FLT3: variants seen among roughly 807,000 people sequenced by gnomAD.
FLT3 encodes receptor-type tyrosine-protein kinase FLT3.
A neutral mutation model predicts 126.6 loss-of-function variants in FLT3; 46 were observed. The observed-to-expected ratio is 0.36, with a 90% CI of 0.29 to 0.46. The LOEUF is 0.46. Among genes scored for constraint, FLT3 ranks in the 20% least tolerant of loss-of-function variants. The pLI, the probability that FLT3 is intolerant of heterozygous loss-of-function variation, is 1.00. For missense variants in FLT3, 1,069 were observed against 1,190.3 expected (o/e 0.90, Z 1.50); for synonymous variants, 404 against 434.4 (o/e 0.93, Z 0.87).
At chr13:28,056,496 C>T (rs1225886790) in intron 4 of FLT3, among the ~76,000 whole-genome samples, 4 of 152,238 alleles carry the variant, frequency 2.6e-5, no homozygotes, top group African/African-American at 9.6e-5. Context: ...TGAATGCAGA[C>T]ACCTTTAGTC....
chr13:28,038,164 G>A (rs1462696136), intron 9 of FLT3, among the ~76,000 whole-genome samples: 1 of 152,160 alleles, frequency 6.6e-6, no homozygotes, highest in Non-Finnish European at 1.5e-5. Context: ...GCTCTCAGCA[G>A]GCTCTAGTGC....
Position 28,035,909 on chromosome 13 carries a change from A to G in FLT3, c.1418+26T>C, listed in dbSNP as rs751823253. 65 of 1,522,026 alleles carry G rather than the reference A, an allele frequency of 4.3e-5. No individual in the cohort carries two copies. In the Admixed American group the frequency reaches 9.5e-4, roughly 22 times the overall value. The allele number at this position is 1,522,026 out of a possible 1,614,324, so 94.3% of individuals were successfully genotyped here. On this transcript the variant is annotated intron_variant, in intron 11 of 23. Coordinates refer to ENST00000241453, the MANE Select transcript of FLT3 (RefSeq NM_004119.3). ...TCAGAGAGTTTTATGTTCTTCCATT[A>G]TAAGAGGCATCAATGTCCTTATTAC...
At chr13:28,035,306 G>C (rs1367987799) in intron 12 of FLT3, among the ~76,000 whole-genome samples, 189 bp downstream of exon 12, 1 of 152,172 alleles carries the variant, frequency 6.6e-6, no homozygotes, top group Non-Finnish European at 1.5e-5. Flanking sequence ...AGTCACAAGG[G>C]CACAGGGAGG....
Position 28,100,446 on chromosome 13 carries a change from G to C in FLT3, c.43+22C>G. 7.4e-6 allele frequency: 9 copies of C among 1,208,324 alleles called. No individual in the cohort carries two copies. The highest frequency in any genetic ancestry group is 9.3e-6 in the Non-Finnish European group (9 of 971,172). The allele number at this position is 1,208,324 out of a possible 1,614,324, so 74.9% of individuals were successfully genotyped here. A position where few individuals can be genotyped will look rare whatever the true frequency, so the allele number is the denominator to read the frequency against. On this transcript the variant is annotated intron_variant, in intron 1 of 23. Transcript: ENST00000241453. This position sits in a 1 kb window ranked among gnomAD's most constrained non-coding sequence, Gnocchi z 4.8. The stretch of plus-strand genomic sequence containing the variant: ...GGGCTGAGGGACCGCGAGGGGCTGC[G>C]AGCGAGCGAGCGGGGCCTTACCGAG...
chr13:28,060,953 G>A lies in FLT3; in HGVS notation c.368+914C>T, dbSNP rs73154842. ...AGACTTACAGGAAAATTGAGCAGAA[G>A]ACACAGAAAGATGCCATATATGCCC... On this transcript the variant is annotated intron_variant, in intron 3 of 23. Coordinates refer to ENST00000241453, the MANE Select transcript of FLT3 (RefSeq NM_004119.3). Among the ~76,000 whole-genome samples the A allele has an allele frequency of 7.4e-3, 1,122 of 152,166 alleles. 6 individuals are homozygous for A. Among genetic ancestry groups the A allele is most frequent in the Non-Finnish European group, 0.013 (857 of 68,002 alleles).
rs756945583 is a variant in FLT3, at chr13:28,014,596, C to G, written c.2754-39G>C. ...AGAACAAGGAACAAGATGAAGAAGT[C>G]TGAATGAAGCAAAATGGATCATTTT... On this transcript the variant is annotated intron_variant, in intron 22 of 23. Coordinates refer to ENST00000241453, the MANE Select transcript of FLT3 (RefSeq NM_004119.3). The G allele has an allele frequency of 2.2e-6, 3 of 1,374,362 alleles. No individual in the cohort carries two copies. The East Asian group carries it at 6.9e-5, about 31-fold the overall frequency. 85.1% of individuals were successfully genotyped at this position (1,374,362 alleles called of 1,614,324 possible).
intron 19 of FLT3, 47 bp downstream of exon 19, chr13:28,023,303 T>G (rs1872554052): frequency 6.4e-7 from 1 of 1,566,852 alleles, no homozygotes; most frequent in Non-Finnish European, 8.7e-7. Context: ...TAAGCACATC[T>G]TTTCAAATCT....
chr13:28,084,602 G>C (rs898704760), intron 1 of FLT3, among the ~76,000 whole-genome samples: 9 of 152,002 alleles, frequency 5.9e-5, no homozygotes, highest in Admixed American at 1.3e-4. Flanking sequence ...GTAGAGATGG[G>C]GTTTTGCCAT....
chr13:28,012,604 C>T (rs893231979), intron 23 of FLT3, among the ~76,000 whole-genome samples: 10 of 152,126 alleles, frequency 6.6e-5, no homozygotes, highest in African/African-American at 1.9e-4. Flanking sequence ...AAGTTCCCCA[C>T]AAATCCACAC....
intron 3 of FLT3, among the ~76,000 whole-genome samples, chr13:28,058,688 G>T (rs939248297): frequency 2.6e-5 from 4 of 152,260 alleles, no homozygotes; most frequent in Middle Eastern, 3.4e-3. Flanking sequence ...TTTTAAACAA[G>T]ATCCCCAGGC....
chr13:28,093,597 T>C (rs2137831907), intron 1 of FLT3, among the ~76,000 whole-genome samples: 1 of 152,346 alleles, frequency 6.6e-6, no homozygotes, highest in East Asian at 1.9e-4. Flanking sequence ...TTTCCATCTG[T>C]GGAAAACTCC....
At chr13:28,073,828 T>C (rs972061651) in intron 1 of FLT3, among the ~76,000 whole-genome samples, 2 of 151,194 alleles carry the variant, frequency 1.3e-5, no homozygotes, top group Non-Finnish European at 1.5e-5. Context: ...AAGTCTCAGC[T>C]ACTTGGGAGG....
At position 28,015,520 on chromosome 13, in the gene FLT3, T is replaced by TG. The variant is rs200228177; in HGVS notation, c.2653+69dup. On this transcript the variant is annotated intron_variant, in intron 21 of 23. Transcript: ENST00000241453. ...GACCCATCAGTGTTGGGGGGAGGGG[T>TG]GGGGCGGCACCGAGAGAGCAGAGGA... The TG allele has an allele frequency of 5.9e-3, 2,704 of 459,074 alleles. 47 individuals are homozygous for TG. Among genetic ancestry groups the TG allele is most frequent in the African/African-American group, 0.052 (2,025 of 38,698 alleles). 28.4% of individuals were successfully genotyped at this position (459,074 alleles called of 1,614,324 possible). A position where few individuals can be genotyped will look rare whatever the true frequency, so the allele number is the denominator to read the frequency against.
At chr13:28,086,619 C>CGTGTGTGTGTGTGT (rs35797346) in intron 1 of FLT3, among the ~76,000 whole-genome samples, 27 of 134,724 alleles carry the variant, frequency 2.0e-4, no homozygotes, top group African/African-American at 7.1e-4. Flanking sequence ...CTGAAGAACT[C>CGTGTGTGTGTGTGT]GTGTGTGTGT....
chr13:28,015,697 C>T lies in FLT3; in HGVS notation c.2546G>A (p.Arg849His), dbSNP rs201923726. ...GGGGGCCATCCATTTTACAGGCAGA[C>T]GGGCCTGTGGAAAACCCAGAGGAGA... ...DSNYVVRGNA[R>H]LPVKWMAPES... The change falls in exon 21 of 24, where the codon CGT becomes CAT. Residue 849 changes from arginine (R) to histidine (H), a missense_variant. Transcript: ENST00000241453. The T allele has an allele frequency of 1.3e-5, 21 of 1,604,494 alleles. No individual in the cohort carries two copies. Among genetic ancestry groups the T allele is most frequent in the Admixed American group, 1.0e-4 (6 of 59,832 alleles).
Position 28,049,420 on chromosome 13 carries a change from T to G in FLT3, c.1000A>C (p.Lys334Gln). The G allele has an allele frequency of 6.2e-7, 1 of 1,614,072 alleles. No individual in the cohort carries two copies. The highest frequency in any genetic ancestry group is 8.5e-7 in the Non-Finnish European group (1 of 1,179,982). ...ACCAAAGCTGATTGACTGGGATGCT[T>G]TGAAGAGGAACAAGTGTAGTATCCG... ...DTGYYTCSSSKHPSQSALVTI... is the reference protein window; with the variant it reads ...DTGYYTCSSSQHPSQSALVTI... The change falls in exon 8 of 24, where the codon AAG (lysine) becomes CAG (glutamine). Residue 334 changes from lysine to glutamine, a missense_variant. Transcript: ENST00000241453.
chr13:28,072,983 C>A (rs977653436), intron 1 of FLT3, among the ~76,000 whole-genome samples: 4 of 151,010 alleles, frequency 2.6e-5, no homozygotes, highest in African/African-American at 7.3e-5. Context: ...CCAGCCTGGG[C>A]GACAGAGCGA....
chr13:28,057,737 C>T lies in FLT3; in HGVS notation c.369-275G>A, dbSNP rs139700261. 4.8e-3 allele frequency among the ~76,000 whole-genome samples: 725 copies of T among 152,222 alleles called. 10 individuals are homozygous for T. The highest frequency in any genetic ancestry group is 0.016 in the African/African-American group (677 of 41,558). ...CTCTGAGCTTCTAGGATCGAAAACT[C>T]CCATCTAAAAACACACAGGAGGCCG... On this transcript the variant is annotated intron_variant, in intron 3 of 23. Coordinates refer to ENST00000241453, the MANE Select transcript of FLT3 (RefSeq NM_004119.3).
At chr13:28,079,187 C>T (rs1455953018) in intron 1 of FLT3, among the ~76,000 whole-genome samples, 3 of 152,132 alleles carry the variant, frequency 2.0e-5, no homozygotes, top group Non-Finnish European at 4.4e-5. Flanking sequence ...TTCAAAGTTC[C>T]ACAAATCTCT....
Sources: gnomAD v4.1 joint callset for allele counts (sites outside exome capture counted in the v4.1 genomes callset) on GRCh38, gnomAD v4.1.1 for gene constraint, Gnocchi (gnomAD v3.1) non-coding constraint, MANE v1.5 for transcripts, NCBI Gene and HGNC (gene_info 2026-07-23, HGNC 2026-07-21) for gene names.